The following DST variants were observed in gnomAD, a reference collection of about 807,000 sequenced individuals.
The protein encoded by DST is dystonin, also known as bullous pemphigoid antigen.
Under a neutral mutation model 875.2 loss-of-function variants are expected in DST, and 253 were observed. The observed-to-expected ratio is 0.29, with a 90% CI of 0.26 to 0.32. The LOEUF is 0.32. Ranked by LOEUF, DST falls within the 10% of genes least tolerant of loss-of-function variation. The pLI, the probability that DST is intolerant of heterozygous loss-of-function variation, is 1.00. For synonymous variants in DST, 3,124 were observed against 3,197.1 expected (o/e 0.98, Z 0.77); for missense variants, 8,287 against 9,111.6 (o/e 0.91, Z 3.68).
At chr6:56,585,209 G>A (rs57053002) in intron 49 of DST, among the ~76,000 whole-genome samples, 69 of 152,326 alleles carry the variant, frequency 4.5e-4, no homozygotes, top group East Asian at 2.9e-3. Flanking sequence ...ATTTGGCTGT[G>A]AATCCATCTG....
rs766297233 is a variant in DST at position 56,640,010 on chromosome 6, T to C, written c.2538A>G (p.Glu846=). ...CATTTTTATGATTTTCTAAATGGCTTTCAACACTTGGCAAATCTGAGCCCC... is the reference window on the plus strand; with the variant it reads ...CATTTTTATGATTTTCTAAATGGCTCTCAACACTTGGCAAATCTGAGCCCC... ...TEWGSDLPSV[E]SHLENHKNVH... Residue 846 remains glutamate, a synonymous_variant, in exon 19 of 104, where the codon GAA becomes GAG. Coordinates refer to ENST00000680361, the MANE Select transcript of DST (RefSeq NM_001374736.1). The C allele has an allele frequency of 6.2e-7, 1 of 1,614,066 alleles. No individual in the cohort carries two copies. Among genetic ancestry groups the C allele is most frequent in the Admixed American group, 1.7e-5 (1 of 60,026 alleles).
intron 3 of DST, among the ~76,000 whole-genome samples, chr6:56,885,275 A>C (rs1264042946): frequency 6.6e-6 from 1 of 152,158 alleles, no homozygotes; most frequent in Non-Finnish European, 1.5e-5. Context: ...GAAGGACAAA[A>C]GGCTTGGCTT....
intron 4 of DST, among the ~76,000 whole-genome samples, chr6:56,775,040 G>A (rs913803102): frequency 1.3e-5 from 2 of 150,838 alleles, no homozygotes; most frequent in African/African-American, 2.4e-5. Flanking sequence ...CCTAACATCC[G>A]GGAGTCTACA....
intron 55 of DST, among the ~76,000 whole-genome samples, chr6:56,565,583 C>G (rs769271723): frequency 6.6e-6 from 1 of 152,154 alleles, no homozygotes; most frequent in Non-Finnish European, 1.5e-5. Context: ...TTGGTTTACT[C>G]AGGCATCTGC....
In DST at chr6:56,620,362, G is replaced by A. The variant is rs763921292; in HGVS notation, c.4929+4168C>T. The stretch of plus-strand genomic sequence containing the variant: ...CTTCCACGGCAGCTCTTTTAGCCTC[G>A]GCCTCTATGGTGAGCTGCCTCACCC... On this transcript the variant is annotated intron_variant, in intron 36 of 103. Coordinates refer to ENST00000680361, the MANE Select transcript of DST (RefSeq NM_001374736.1). 1.1e-5 allele frequency: 17 copies of A among 1,613,910 alleles called. No individual in the cohort carries two copies. Among genetic ancestry groups the A allele is most frequent in the Middle Eastern group, 1.6e-4 (1 of 6,084 alleles).
At chr6:56,838,774 C>T (rs978504086) in intron 4 of DST, among the ~76,000 whole-genome samples, 5 of 152,156 alleles carry the variant, frequency 3.3e-5, no homozygotes, top group Admixed American at 6.5e-5. Flanking sequence ...ACAATTTAAT[C>T]GTAATTATTT....
chr6:56,484,384 T>C (rs923571893), intron 88 of DST: 19 of 152,090 alleles, frequency 1.2e-4, no homozygotes, highest in Non-Finnish European at 2.2e-4. Context: ...ACAAACTCTC[T>C]TATGGGTATA....
At chr6:56,650,243 G>C (rs1225968967) in intron 12 of DST, among the ~76,000 whole-genome samples, 1 of 149,748 alleles carries the variant, frequency 6.7e-6, no homozygotes, top group Non-Finnish European at 1.5e-5. Context: ...TCCAAGTGAA[G>C]GGGATCATCC....
chr6:56,918,868 T>C (rs969803318), intron 2 of DST, among the ~76,000 whole-genome samples: 1 of 152,222 alleles, frequency 6.6e-6, no homozygotes, highest in Non-Finnish European at 1.5e-5. Context: ...CACTCCAGCC[T>C]GGGTGACGGA....
At chr6:56,659,752 T>C (rs963357621) in intron 10 of DST, among the ~76,000 whole-genome samples, 1 of 152,144 alleles carries the variant, frequency 6.6e-6, no homozygotes, top group African/African-American at 2.4e-5. Flanking sequence ...AGTGTTTTTG[T>C]TGATTGTTGT....
At chr6:56,907,263 G>A (rs1796830662) in intron 2 of DST, among the ~76,000 whole-genome samples, 1 of 152,186 alleles carries the variant, frequency 6.6e-6, no homozygotes, top group Admixed American at 6.5e-5. Flanking sequence ...ATTGGCTTAA[G>A]TCAGACAGTC....
chr6:56,598,023 C>T lies in DST; in HGVS notation c.11929-17G>A. The T allele has an allele frequency of 6.4e-7, 1 of 1,565,180 alleles. No homozygotes were observed. The highest frequency in any genetic ancestry group is 8.7e-7 in the Non-Finnish European group (1 of 1,155,728). On this transcript the variant is annotated splice_polypyrimidine_tract_variant and intron_variant, in intron 46 of 103. Transcript: ENST00000680361. ...TGCTGCTACCTGGGAAGGGAAAGTT[C>T]ACAGGAGGAATTCAGAACGTGGGCC...
intron 4 of DST, among the ~76,000 whole-genome samples, chr6:56,750,431 G>C (rs1037453659): frequency 9.9e-5 from 15 of 152,086 alleles, no homozygotes; most frequent in Non-Finnish European, 2.9e-5. Flanking sequence ...TGAAGAACTG[G>C]ACACCTTTCT....
intron 4 of DST, among the ~76,000 whole-genome samples, chr6:56,847,812 C>T (rs907733826): frequency 1.1e-4 from 16 of 152,140 alleles, no homozygotes; most frequent in African/African-American, 3.6e-4. Flanking sequence ...ATAATTACCG[C>T]GTTGTAACTG....
At chr6:56,915,210 C>A (rs115995427) in intron 2 of DST, among the ~76,000 whole-genome samples, 156 of 152,294 alleles carry the variant, frequency 1.0e-3, no homozygotes, top group Non-Finnish European at 1.9e-3. Flanking sequence ...ACCATGTCTA[C>A]AAATAAAAAG....
At position 56,953,695 on chromosome 6, in the gene DST, C is replaced by T; in HGVS notation, c.216+90G>A. On this transcript the variant is annotated intron_variant, in intron 2 of 103. Transcript: ENST00000680361. ...GACAGCATGTTCGTCATTCAGTGTC[C>T]TACTGGTTTCTTAACACGCATATAA... 2.1e-6 allele frequency: 2 copies of T among 946,428 alleles called. 1 individual carries two copies. The allele number at this position is 946,428 out of a possible 1,614,324, so 58.6% of individuals were successfully genotyped here. A position where few individuals can be genotyped will look rare whatever the true frequency, so the allele number is the denominator to read the frequency against.
At chr6:56,650,782 A>G (rs955982755) in intron 12 of DST, 144 bp downstream of exon 12, 1 of 551,542 alleles carries the variant, frequency 1.8e-6, no homozygotes, top group African/African-American at 1.9e-5. Flanking sequence ...AATACATAGA[A>G]TATCAATTCA....
intron 4 of DST, among the ~76,000 whole-genome samples, chr6:56,751,273 G>A (rs985505582): frequency 5.9e-5 from 9 of 152,022 alleles, no homozygotes; most frequent in African/African-American, 1.4e-4. Context: ...AAAAGATTAC[G>A]CATTGATTAA....
At chr6:56,514,573 G>T (rs2096550640) in intron 72 of DST, among the ~76,000 whole-genome samples, 1 of 94,398 alleles carries the variant, frequency 1.1e-5, no homozygotes, top group Non-Finnish European at 2.2e-5. Context: ...TTGGGCACAG[G>T]CGTATACACA....
Sources: allele counts gnomAD v4.1 joint callset (sites outside exome capture counted in the v4.1 genomes callset), GRCh38; gene constraint gnomAD v4.1.1; transcripts MANE v1.5; gene names NCBI Gene and HGNC (gene_info 2026-07-23, HGNC 2026-07-21).